SDK1: variants seen among roughly 807,000 people sequenced by gnomAD.
The protein encoded by SDK1 is protein sidekick-1.
A neutral mutation model predicts 245.5 loss-of-function variants in SDK1; 157 were observed. That is an observed-to-expected ratio of 0.64 (90% CI 0.56 to 0.73). The LOEUF (loss-of-function observed/expected upper bound fraction) is 0.73, where lower values mean the gene tolerates loss of function less well. Ranked by LOEUF, SDK1 falls within the 30% of genes least tolerant of loss-of-function variation. The pLI is 0.00. For synonymous variants in SDK1, 1,647 were observed against 1,278.5 expected (o/e 1.29, Z -6.15); for missense variants, 3,583 against 3,002.3 (o/e 1.19, Z -4.52).
chr7:3,913,102 AG>A (rs934275156), intron 5 of SDK1, among the ~76,000 whole-genome samples: 10 of 152,146 alleles, frequency 6.6e-5, no homozygotes. Context: ...AGTTGCCTGA[AG>A]GAAGCATCTG....
At chr7:3,690,691 TC>T (rs1408827573) in intron 4 of SDK1, among the ~76,000 whole-genome samples, 19 of 152,278 alleles carry the variant, frequency 1.2e-4, no homozygotes, top group African/African-American at 4.6e-4. Flanking sequence ...TTTGTAAGAT[TC>T]CATATTAATC....
intron 1 of SDK1, among the ~76,000 whole-genome samples, chr7:3,360,142 ACT>A (rs1387486757): frequency 6.6e-6 from 1 of 152,084 alleles, no homozygotes; most frequent in East Asian, 1.9e-4. Context: ...TTTCTTTAAC[ACT>A]CTAACCACTT....
chr7:3,926,779 G>A (rs1779786827), intron 5 of SDK1, among the ~76,000 whole-genome samples: 3 of 152,320 alleles, frequency 2.0e-5, no homozygotes, highest in South Asian at 2.1e-4. Context: ...ACAGGCTGTG[G>A]CATCTGCAGA....
intron 4 of SDK1, among the ~76,000 whole-genome samples, chr7:3,737,921 A>G (rs1401090238): frequency 5.3e-5 from 8 of 152,196 alleles, no homozygotes; most frequent in Admixed American, 4.6e-4. Flanking sequence ...TACCCTTCTA[A>G]TGAAACTTTT....
intron 1 of SDK1, among the ~76,000 whole-genome samples, chr7:3,606,652 T>C (rs1450214969): frequency 1.3e-5 from 2 of 152,188 alleles, no homozygotes; most frequent in Non-Finnish European, 2.9e-5. Context: ...CATGACTCTC[T>C]TCATCAGCTG....
At chr7:3,528,255 G>A (rs111842419) in intron 1 of SDK1, among the ~76,000 whole-genome samples, 2 of 147,564 alleles carry the variant, frequency 1.4e-5, no homozygotes, top group Non-Finnish European at 3.0e-5. Context: ...ATTCAGCTAG[G>A]GGGTGAGTGG....
chr7:3,719,602 G>T (rs1785305322), intron 4 of SDK1, among the ~76,000 whole-genome samples: 1 of 152,152 alleles, frequency 6.6e-6, no homozygotes, highest in Admixed American at 6.5e-5. Flanking sequence ...ACAAAAGTGG[G>T]TGGAACCTTG....
At chr7:3,563,944 T>G (rs185809218) in intron 1 of SDK1, among the ~76,000 whole-genome samples, 1 of 152,090 alleles carries the variant, frequency 6.6e-6, no homozygotes, top group Non-Finnish European at 1.5e-5. Context: ...AATAACATAT[T>G]TCTAAATAGC....
chr7:3,602,889 T>C (rs947525293), intron 1 of SDK1, among the ~76,000 whole-genome samples: 23 of 152,272 alleles, frequency 1.5e-4, no homozygotes, highest in African/African-American at 5.3e-4. Context: ...TTCAGCTTTC[T>C]ACATATGGCT....
rs139579106 is a variant in SDK1, at chr7:4,194,133, C to G, written c.5099-11746C>G. On this transcript the variant is annotated intron_variant, in intron 35 of 44. Transcript: ENST00000404826. ...CCTGAATATTCTGTCTCTCTAGAAC[C>G]ACTCCTGGTACCAAAATCTGTATTA... Among the ~76,000 whole-genome samples, 4 of 152,146 alleles carry G rather than the reference C, an allele frequency of 2.6e-5. No homozygotes were observed. The East Asian group carries it at 5.8e-4, about 22-fold the overall frequency.
rs73298246 is a variant in SDK1, at chr7:3,640,530, A to G, written c.565+1420A>G. Among the ~76,000 whole-genome samples the G allele has an allele frequency of 8.0e-3, 1,218 of 152,354 alleles. 15 individuals are homozygous for G. Among genetic ancestry groups the G allele is most frequent in the African/African-American group, 0.028 (1,145 of 41,574 alleles). The stretch of plus-strand genomic sequence containing the variant: ...CAGAATAATTGAGAACTTTTATTCA[A>G]TTGAATGATTGAAAATGTAATCATT... On this transcript the variant is annotated intron_variant, in intron 3 of 44. Transcript: ENST00000404826.
At chr7:3,858,369 TAGTG>T (rs1780598019) in intron 5 of SDK1, among the ~76,000 whole-genome samples, 1 of 151,990 alleles carries the variant, frequency 6.6e-6, no homozygotes, top group African/African-American at 2.4e-5. Flanking sequence ...CTGGGCCACA[TAGTG>T]AGACCCCATC....
At chr7:4,171,410 C>A (rs544597708) in intron 32 of SDK1, among the ~76,000 whole-genome samples, 1 of 152,210 alleles carries the variant, frequency 6.6e-6, no homozygotes, top group African/African-American at 2.4e-5. Context: ...CTGGGATGCC[C>A]AGTTACATCT....
At chr7:3,639,437 T>G (rs910153795) in intron 3 of SDK1, among the ~76,000 whole-genome samples, 8 of 152,322 alleles carry the variant, frequency 5.3e-5, no homozygotes, top group Non-Finnish European at 7.4e-5. Flanking sequence ...TCAAAATGTT[T>G]TTAAAGTATA....
intron 5 of SDK1, among the ~76,000 whole-genome samples, chr7:3,833,624 C>A (rs1030854848): frequency 7.9e-5 from 12 of 152,200 alleles, no homozygotes; most frequent in African/African-American, 2.7e-4. Flanking sequence ...GTGATTGGTT[C>A]ATTTCCGAAA....
intron 1 of SDK1, among the ~76,000 whole-genome samples, chr7:3,453,168 G>T (rs888882052): frequency 2.0e-5 from 3 of 152,100 alleles, no homozygotes; most frequent in African/African-American, 7.2e-5. Context: ...TCACCAACTT[G>T]TGAAGCCTCT....
intron 17 of SDK1, among the ~76,000 whole-genome samples, chr7:4,033,824 G>A (rs1788019622): frequency 6.6e-6 from 1 of 152,076 alleles, no homozygotes; most frequent in African/African-American, 2.4e-5. Context: ...AGGGGGAAGA[G>A]GCATTGCTGC....
At chr7:3,462,680 C>A (rs1052319125) in intron 1 of SDK1, among the ~76,000 whole-genome samples, 2 of 152,082 alleles carry the variant, frequency 1.3e-5, no homozygotes, top group African/African-American at 2.4e-5. Context: ...ATGCCTCATC[C>A]ACATTAACTC....
intron 35 of SDK1, among the ~76,000 whole-genome samples, chr7:4,205,052 C>T (rs553179585): frequency 6.6e-5 from 5 of 75,532 alleles, no homozygotes; most frequent in African/African-American, 4.4e-4. Flanking sequence ...CTTTGGTTTG[C>T]GTGTGCCATG....
Sources: allele counts gnomAD v4.1 joint callset (sites outside exome capture counted in the v4.1 genomes callset), GRCh38; gene constraint gnomAD v4.1.1; transcripts MANE v1.5; gene names NCBI Gene and HGNC (gene_info 2026-07-23, HGNC 2026-07-21).